Variants in SLC16A10 observed in about 807,000 individuals in gnomAD.
The protein encoded by SLC16A10 is monocarboxylate transporter 10.
A neutral mutation model predicts 40.0 loss-of-function variants in SLC16A10; 27 were observed. The observed-to-expected ratio is 0.67, with a 90% CI of 0.50 to 0.93. The LOEUF (loss-of-function observed/expected upper bound fraction) is 0.93. Ranked by LOEUF, SLC16A10 falls within the 40% of genes least tolerant of loss-of-function variation. The pLI, the probability that SLC16A10 is intolerant of heterozygous loss-of-function variation, is 0.00. For missense variants in SLC16A10, 529 were observed against 658.2 expected (o/e 0.80, Z 2.15); for synonymous variants, 213 against 249.8 (o/e 0.85, Z 1.39).
At chr6:111,100,375 G>A (rs1771152394) in intron 1 of SLC16A10, among the ~76,000 whole-genome samples, 1 of 152,062 alleles carries the variant, frequency 6.6e-6, no homozygotes, top group Non-Finnish European at 1.5e-5. Context: ...TTGGGGATTT[G>A]GATTTGGTTT....
intron 1 of SLC16A10, among the ~76,000 whole-genome samples, chr6:111,130,317 TCTC>T (rs899921357): frequency 2.6e-5 from 4 of 152,196 alleles, no homozygotes; most frequent in Non-Finnish European, 4.4e-5. Context: ...AAGGCATTCT[TCTC>T]TACTATGGGA....
intron 1 of SLC16A10, among the ~76,000 whole-genome samples, chr6:111,154,903 AT>A (rs1772239943): frequency 6.6e-6 from 1 of 151,758 alleles, no homozygotes; most frequent in Non-Finnish European, 1.5e-5. Context: ...AGTGCCTGCA[AT>A]CTCAGCTACT....
chr6:111,179,050 G>A (rs891653298), intron 3 of SLC16A10, among the ~76,000 whole-genome samples: 5 of 151,728 alleles, frequency 3.3e-5, no homozygotes, highest in African/African-American at 7.3e-5. Flanking sequence ...ACAGGGTCTT[G>A]TTAAGTTGCT....
Position 111,206,655 on chromosome 6 carries a change from G to A in SLC16A10, c.1006G>A (p.Gly336Ser). The A allele has an allele frequency of 6.2e-7, 1 of 1,614,086 alleles. No homozygotes were observed. Among genetic ancestry groups the A allele is most frequent in the Non-Finnish European group, 8.5e-7 (1 of 1,180,006 alleles). ...TAAAGAGGTTGTTCTCATGTGCATTGGCGTCACTTCAGGAGTTGGACGACT... is the reference window on the plus strand; with the variant it reads ...TAAAGAGGTTGTTCTCATGTGCATTAGCGTCACTTCAGGAGTTGGACGACT... ...KNKEVVLMCI[G>S]VTSGVGRLLF... The change falls in exon 4 of 6, where the codon GGC becomes AGC. Residue 336 changes from glycine (G) to serine (S), a missense_variant. Gly to Ser is a moderately conservative substitution (Grantham distance 56, BLOSUM62 0). Transcript: ENST00000368851.
intron 1 of SLC16A10, among the ~76,000 whole-genome samples, chr6:111,152,587 C>CA (rs1428995791): frequency 2.0e-5 from 3 of 152,172 alleles, no homozygotes; most frequent in African/African-American, 7.2e-5. Flanking sequence ...ATTCAAGGAA[C>CA]ACCTTAATGA....
chr6:111,218,708 G>A (rs914915999), intron 4 of SLC16A10, 106 bp from the exon 5 acceptor site: 11 of 864,930 alleles, frequency 1.3e-5, no homozygotes, highest in Non-Finnish European at 2.1e-5. Context: ...CAGTGGCAGG[G>A]GGGAAAGGGG....
intron 1 of SLC16A10, among the ~76,000 whole-genome samples, chr6:111,118,408 G>A: frequency 6.6e-6 from 1 of 152,180 alleles, no homozygotes; most frequent in East Asian, 1.9e-4. Flanking sequence ...TTGGCTGGGT[G>A]TGGTGGCTCA....
intron 1 of SLC16A10, among the ~76,000 whole-genome samples, chr6:111,165,363 G>A (rs924510794): frequency 4.6e-5 from 7 of 152,106 alleles, no homozygotes; most frequent in Admixed American, 3.3e-4. Context: ...TGCATTAAGA[G>A]AGGCAAGACA....
intron 1 of SLC16A10, among the ~76,000 whole-genome samples, chr6:111,163,403 C>T (rs1183528367): frequency 3.3e-5 from 5 of 151,942 alleles, no homozygotes; most frequent in African/African-American, 4.8e-5. Flanking sequence ...CCGCCCGCCT[C>T]GGCCTCCCAA....
At chr6:111,131,276 T>C (rs1479617659) in intron 1 of SLC16A10, among the ~76,000 whole-genome samples, 2 of 152,216 alleles carry the variant, frequency 1.3e-5, no homozygotes, top group East Asian at 3.9e-4. Flanking sequence ...GGGCTTGCCA[T>C]TGTTCCTGCA....
chr6:111,127,058 AT>A (rs2114482789), intron 1 of SLC16A10, among the ~76,000 whole-genome samples: 1 of 152,356 alleles, frequency 6.6e-6, no homozygotes, highest in African/African-American at 2.4e-5. Context: ...TTCAGAGGTT[AT>A]TACTCATTTA....
intron 1 of SLC16A10, among the ~76,000 whole-genome samples, chr6:111,152,472 A>G (rs1292075184): frequency 6.6e-6 from 1 of 152,244 alleles, no homozygotes; most frequent in Non-Finnish European, 1.5e-5. Flanking sequence ...ATTAATCCTT[A>G]GCTCCATTCT....
intron 1 of SLC16A10, among the ~76,000 whole-genome samples, chr6:111,170,544 G>T (rs546789890): frequency 1.5e-4 from 23 of 152,230 alleles, no homozygotes; most frequent in African/African-American, 5.1e-4. Flanking sequence ...CCATCTCCCG[G>T]GTTCAAGTGA....
intron 1 of SLC16A10, among the ~76,000 whole-genome samples, chr6:111,168,803 G>A (rs1772527115): frequency 1.3e-5 from 2 of 152,126 alleles, no homozygotes; most frequent in South Asian, 4.1e-4. Context: ...TTTAAAGTAG[G>A]TTTTCAAACC....
intron 1 of SLC16A10, among the ~76,000 whole-genome samples, chr6:111,147,783 G>A (rs1482743691): frequency 1.3e-5 from 2 of 152,098 alleles, no homozygotes; most frequent in South Asian, 4.1e-4. Context: ...TTGTTTTGTG[G>A]ACATAGAACA....
At chr6:111,158,346 T>C (rs984652262) in intron 1 of SLC16A10, among the ~76,000 whole-genome samples, 7 of 152,334 alleles carry the variant, frequency 4.6e-5, no homozygotes, top group African/African-American at 1.7e-4. Context: ...CCCCAGACTT[T>C]CTGGCACTAG....
intron 1 of SLC16A10, among the ~76,000 whole-genome samples, chr6:111,103,422 T>G (rs1771226024): frequency 6.6e-6 from 1 of 152,142 alleles, no homozygotes; most frequent in Non-Finnish European, 1.5e-5. Flanking sequence ...TTCACCATGT[T>G]GGTCAGGTGG....
intron 1 of SLC16A10, among the ~76,000 whole-genome samples, chr6:111,134,884 G>A (rs1221740107): frequency 6.6e-6 from 1 of 152,136 alleles, no homozygotes; most frequent in Non-Finnish European, 1.5e-5. Context: ...AGAGCCCTGG[G>A]TATGCTTGAC....
chr6:111,132,247 T>A (rs1027620749), intron 1 of SLC16A10, among the ~76,000 whole-genome samples: 6 of 149,370 alleles, frequency 4.0e-5, no homozygotes, highest in Non-Finnish European at 6.0e-5. Context: ...GAAGAGGGAG[T>A]CAAAGAGAAA....
Sources: gnomAD v4.1 joint callset for allele counts (sites outside exome capture counted in the v4.1 genomes callset) on GRCh38, gnomAD v4.1.1 for gene constraint, MANE v1.5 for transcripts, NCBI Gene and HGNC (gene_info 2026-07-23, HGNC 2026-07-21) for gene names.